Variants in MDGA2 observed in about 807,000 individuals in gnomAD.
MDGA2 encodes the protein MAM domain-containing glycosylphosphatidylinositol anchor protein 2.
Under a neutral mutation model 117.8 loss-of-function variants are expected in MDGA2, and 40 were observed. The observed-to-expected ratio is 0.34, with a 90% CI of 0.26 to 0.44. The LOEUF is 0.44. Among genes scored for constraint, MDGA2 ranks in the 20% least tolerant of loss-of-function variants. MDGA2 has a pLI of 1.00. For missense variants in MDGA2, 1,123 were observed against 1,250.6 expected, an observed-to-expected ratio of 0.90 and a Z score of 1.54; for synonymous variants, 452 against 439.0, an observed-to-expected ratio of 1.03 and a Z score of -0.37.
intron 1 of MDGA2, among the ~76,000 whole-genome samples, chr14:47,497,469 G>C (rs1329150096): frequency 6.6e-6 from 1 of 151,998 alleles, no homozygotes; most frequent in East Asian, 1.9e-4. Flanking sequence ...TGTTGGCCAG[G>C]CTGGTCTCGA....
At chr14:47,023,198 T>TAAAAAAAAAA (rs71985853) in intron 8 of MDGA2, among the ~76,000 whole-genome samples, 49 of 102,676 alleles carry the variant, frequency 4.8e-4, no homozygotes, top group African/African-American at 9.1e-4. Flanking sequence ...TTCCCACTCG[T>TAAAAAAAAAA]AAAAAAAAAA....
At chr14:46,856,666 T>C (rs1881280000) in intron 14 of MDGA2, among the ~76,000 whole-genome samples, 1 of 152,122 alleles carries the variant, frequency 6.6e-6, no homozygotes, top group South Asian at 2.1e-4. Flanking sequence ...TTATGTTTAA[T>C]GTAGCTATTG....
intron 1 of MDGA2, among the ~76,000 whole-genome samples, chr14:47,360,677 C>T (rs1343709287): frequency 1.3e-5 from 2 of 152,102 alleles, no homozygotes; most frequent in African/African-American, 2.4e-5. Flanking sequence ...TTTTTCAAAA[C>T]TTTAAAAACA....
chr14:46,841,908 T>C lies in MDGA2; in HGVS notation c.*23A>G. ...TTCATGCCAGTGCCTGGTGAATCTT[T>C]TATAGCCTCTGCCAGGATAAGGTCA... On this transcript the variant is annotated 3_prime_UTR_variant, in exon 17 of 17. Coordinates refer to ENST00000399232, the MANE Select transcript of MDGA2 (RefSeq NM_001113498.3). The C allele has an allele frequency of 1.3e-6, 2 of 1,526,494 alleles. No homozygotes were observed. Among genetic ancestry groups the C allele is most frequent in the Non-Finnish European group, 1.8e-6 (2 of 1,109,556 alleles). The allele number at this position is 1,526,494 out of a possible 1,614,324, so 94.6% of individuals were successfully genotyped here. A position where few individuals can be genotyped will look rare whatever the true frequency, so the allele number is the denominator to read the frequency against.
chr14:46,982,070 A>G (rs2138385726), intron 8 of MDGA2, among the ~76,000 whole-genome samples: 1 of 152,322 alleles, frequency 6.6e-6, no homozygotes, highest in Non-Finnish European at 1.5e-5. Context: ...CATCACCTAA[A>G]TATTAAATAC....
In MDGA2 at chr14:46,989,952, G is replaced by A. The variant is rs1274057531; in HGVS notation, c.1820-32309C>T. 3.3e-5 allele frequency among the ~76,000 whole-genome samples: 5 copies of A among 151,952 alleles called. No homozygotes were observed. In the East Asian group the frequency reaches 9.6e-4, roughly 29 times the overall value. On this transcript the variant is annotated intron_variant, in intron 8 of 16. Transcript: ENST00000399232. ...TCCATATTATGAAATTAAAATAACAGCCCCAATTTTTATGTATACAACAAA... is the reference window on the plus strand; with the variant it reads ...TCCATATTATGAAATTAAAATAACAACCCCAATTTTTATGTATACAACAAA...
chr14:47,375,557 C>T (rs1349210220), intron 1 of MDGA2, among the ~76,000 whole-genome samples: 1 of 152,014 alleles, frequency 6.6e-6, no homozygotes, highest in African/African-American at 2.4e-5. Context: ...AGAATATTAA[C>T]TTTTAACTCA....
At chr14:47,036,518 A>C (rs1056707254) in intron 7 of MDGA2, among the ~76,000 whole-genome samples, 16 of 152,324 alleles carry the variant, frequency 1.1e-4, no homozygotes, top group African/African-American at 3.8e-4. Context: ...ATTGTATATG[A>C]ATTCAAATGC....
intron 1 of MDGA2, among the ~76,000 whole-genome samples, chr14:47,573,997 C>T (rs1363999177): frequency 3.9e-5 from 6 of 151,948 alleles, no homozygotes; most frequent in Admixed American, 6.6e-5. Context: ...TGTCTTTATT[C>T]GCTATTCTCT....
chr14:47,602,322 C>A (rs1896663411), intron 1 of MDGA2, among the ~76,000 whole-genome samples: 1 of 152,062 alleles, frequency 6.6e-6, no homozygotes, highest in Non-Finnish European at 1.5e-5. Context: ...GCACTAAAAG[C>A]ACTAATTAAT....
At chr14:46,870,369 AAG>A (rs2138353368) in intron 14 of MDGA2, among the ~76,000 whole-genome samples, 1 of 152,150 alleles carries the variant, frequency 6.6e-6, no homozygotes, top group South Asian at 2.1e-4. Flanking sequence ...GGATTTCCAA[AAG>A]AATGACTAAA....
chr14:46,920,539 T>G (rs1595045073), intron 9 of MDGA2, among the ~76,000 whole-genome samples: 1 of 152,130 alleles, frequency 6.6e-6, no homozygotes, highest in African/African-American at 2.4e-5. Context: ...ACAAGAGAGA[T>G]CAAGACTGGA....
At chr14:47,156,351 C>T (rs1036102459) in intron 3 of MDGA2, among the ~76,000 whole-genome samples, 1 of 152,132 alleles carries the variant, frequency 6.6e-6, no homozygotes, top group East Asian at 1.9e-4. Context: ...ACCTCAAAAA[C>T]TCCAAAGTTA....
intron 2 of MDGA2, among the ~76,000 whole-genome samples, chr14:47,271,319 T>C (rs1211099781): frequency 6.6e-6 from 1 of 152,182 alleles, no homozygotes; most frequent in Non-Finnish European, 1.5e-5. Flanking sequence ...ACAACTAATT[T>C]TGAACAGAAA....
chr14:47,508,352 A>ACT (rs3039658), intron 1 of MDGA2, among the ~76,000 whole-genome samples: 7,602 of 132,742 alleles, frequency 0.057, 275 homozygotes, highest in Non-Finnish European at 0.077. Flanking sequence ...TTGCTGATTG[A>ACT]CTCTCTCTCT....
At chr14:46,933,318 A>T (rs548863705) in intron 9 of MDGA2, among the ~76,000 whole-genome samples, 2 of 152,178 alleles carry the variant, frequency 1.3e-5, no homozygotes, top group East Asian at 1.9e-4. Context: ...CAATAGATTG[A>T]TTTCATTACT....
At chr14:47,671,692 T>C (rs936113432) in intron 1 of MDGA2, among the ~76,000 whole-genome samples, 1 of 152,204 alleles carries the variant, frequency 6.6e-6, no homozygotes, top group Non-Finnish European at 1.5e-5. Context: ...AAAGTTCCTG[T>C]CTAGGCTGTT....
chr14:47,097,933 TCAAA>T (rs1332081334), intron 5 of MDGA2, among the ~76,000 whole-genome samples: 1 of 152,114 alleles, frequency 6.6e-6, no homozygotes, highest in East Asian at 1.9e-4. Context: ...AGCCTTTTCA[TCAAA>T]CACTCCAAAT....
chr14:47,416,401 A>G (rs73258155), intron 1 of MDGA2, among the ~76,000 whole-genome samples: 4,768 of 152,302 alleles, frequency 0.031, 249 homozygotes, highest in African/African-American at 0.11. Context: ...TCTCCCAGAC[A>G]GACTAAAGCA....
Sources: gnomAD v4.1 joint callset for allele counts (sites outside exome capture counted in the v4.1 genomes callset) on GRCh38, gnomAD v4.1.1 for gene constraint, MANE v1.5 for transcripts, NCBI Gene and HGNC (gene_info 2026-07-23, HGNC 2026-07-21) for gene names.